The following ABRAXAS2 variants were observed in gnomAD, a reference collection of about 807,000 sequenced individuals.
ABRAXAS2 encodes the protein BRISC complex subunit Abraxas 2.
ABRAXAS2 carries 23 observed loss-of-function variants against 49.0 expected under a neutral mutation model. The ratio of observed to expected loss-of-function variants is 0.47; its 90% CI spans 0.34 to 0.66. The LOEUF (loss-of-function observed/expected upper bound fraction) is 0.66. Ranked by LOEUF, ABRAXAS2 falls within the 30% of genes least tolerant of loss-of-function variation. ABRAXAS2 has a pLI of 0.01. For missense variants in ABRAXAS2, 443 were observed against 511.9 expected (o/e 0.87, Z 1.30); for synonymous variants, 168 against 180.2 (o/e 0.93, Z 0.54).
At chr10:124,821,407 A>T (rs979127006) in intron 4 of ABRAXAS2, among the ~76,000 whole-genome samples, 4 of 152,112 alleles carry the variant, frequency 2.6e-5, no homozygotes, top group Non-Finnish European at 5.9e-5. Flanking sequence ...TCTACTAAAA[A>T]TACAAAAAAT....
At chr10:124,820,331 G>T (rs1243850731) in intron 4 of ABRAXAS2, among the ~76,000 whole-genome samples, 1 of 152,154 alleles carries the variant, frequency 6.6e-6, no homozygotes, top group Non-Finnish European at 1.5e-5. Flanking sequence ...GCAGCCACAG[G>T]CATCACGTGG....
rs1316627493 is a variant in ABRAXAS2 at position 124,819,447 on chromosome 10, A to G, written c.264A>G (p.Arg88=). ...TGGACAGGATTCTTAAAGATCGGAG[A>G]AAGGTATGTTCTGTTTGTTGCCCAG... ...ESLDRILKDR[R]KKVIGWYRFR... The change falls in exon 4 of 9, where the codon AGA becomes AGG. Residue 88 remains arginine (R), a synonymous_variant. Coordinates refer to ENST00000298492, the MANE Select transcript of ABRAXAS2 (RefSeq NM_032182.4). 1 of 1,613,858 alleles carries G rather than the reference A, an allele frequency of 6.2e-7. No homozygotes were observed. The highest frequency in any genetic ancestry group is 1.3e-5 in the African/African-American group (1 of 74,926).
chr10:124,801,852 A>G lies in ABRAXAS2; in HGVS notation c.23A>G (p.Tyr8Cys). Reference protein sequence around the residue: MAASISGYTFSAVCFHSA... With the variant: MAASISGCTFSAVCFHSA... ...ATCATGGCGGCGTCCATTTCGGGCT[A>G]CACCTTCAGTGCTGTGTGTTTCCAC... The change falls in exon 1 of 9, where the codon TAC becomes TGC. Residue 8 changes from tyrosine (Y) to cysteine (C), a missense_variant. Coordinates refer to ENST00000298492, the MANE Select transcript of ABRAXAS2 (RefSeq NM_032182.4). The G allele has an allele frequency of 7.4e-6, 12 of 1,613,408 alleles. No individual in the cohort carries two copies. The highest frequency in any genetic ancestry group is 9.3e-6 in the Non-Finnish European group (11 of 1,179,792).
At chr10:124,827,750 CAA>C (rs11306353) in intron 5 of ABRAXAS2, among the ~76,000 whole-genome samples, 26 of 115,304 alleles carry the variant, frequency 2.3e-4, no homozygotes, top group Admixed American at 6.1e-4. Context: ...CTTGTTAAAC[CAA>C]AAAAAAAAAA....
intron 2 of ABRAXAS2, 85 bp from the exon 3 acceptor site, chr10:124,816,491 A>AT (rs1271308986): frequency 9.5e-6 from 7 of 734,862 alleles, no homozygotes; most frequent in Admixed American, 3.5e-5. Context: ...AGAGATTTTG[A>AT]TTAAAAAAAA....
At position 124,835,941 on chromosome 10, in the gene ABRAXAS2, C is replaced by T. The variant is rs1950966154; in HGVS notation, c.*970C>T. 1 of 152,584 alleles carries T rather than the reference C, an allele frequency of 6.6e-6. No homozygotes were observed. Among genetic ancestry groups the T allele is most frequent in the Admixed American group, 6.5e-5 (1 of 15,276 alleles). 9.5% of individuals were successfully genotyped at this position (152,584 alleles called of 1,614,324 possible). A position where few individuals can be genotyped will look rare whatever the true frequency, so the allele number is the denominator to read the frequency against. ...TGGTGAATAAAGATTCATTTTCAAG[C>T]TGAATAACCATACTTATTTTATTTT... On this transcript the variant is annotated 3_prime_UTR_variant, in exon 9 of 9. Transcript: ENST00000298492.
intron 7 of ABRAXAS2, 136 bp from the exon 8 acceptor site, chr10:124,831,213 T>A (rs909548140): frequency 4.8e-6 from 3 of 627,472 alleles, no homozygotes; most frequent in Non-Finnish European, 8.6e-6. Context: ...CTTTCATGAT[T>A]TTGTTCTACC....
rs193100852 is a variant in ABRAXAS2 at position 124,819,464 on chromosome 10, G to A, written c.267+14G>A. ...GATCGGAGAAAGGTATGTTCTGTTT[G>A]TTGCCCAGTATGATTCTGAAATCGT... is the stretch of plus-strand genomic sequence containing the variant. On this transcript the variant is annotated intron_variant, in intron 4 of 8. Coordinates refer to ENST00000298492, the MANE Select transcript of ABRAXAS2 (RefSeq NM_032182.4). 1.7e-4 allele frequency: 276 copies of A among 1,611,518 alleles called. 1 individual carries two copies. The highest frequency in any genetic ancestry group is 9.9e-4 in the Middle Eastern group (6 of 6,054).
rs1950931644 is a variant in ABRAXAS2, at chr10:124,831,401, C to A, written c.716C>A (p.Ala239Glu). Residue 239 changes from alanine to glutamate, a missense_variant, in exon 8 of 9, where the codon GCA becomes GAA. Transcript: ENST00000298492. ...KSERVVESCQ[A>E]EVNKLRRQIT... ...GAGCGAGTTGTTGAATCTTGTCAGG[C>A]AGAAGTGAACAAATTAAGAAGACAA... is the stretch of plus-strand genomic sequence containing the variant. 3.1e-6 allele frequency: 5 copies of A among 1,612,474 alleles called. No homozygotes were observed. Among genetic ancestry groups the A allele is most frequent in the Non-Finnish European group, 3.4e-6 (4 of 1,179,076 alleles).
intron 2 of ABRAXAS2, among the ~76,000 whole-genome samples, chr10:124,811,564 C>T (rs900175599): frequency 5.3e-5 from 8 of 151,754 alleles, no homozygotes; most frequent in African/African-American, 1.7e-4. Flanking sequence ...GGTGAAACTC[C>T]GTCTCTACTA....
At chr10:124,816,350 C>T (rs998147491) in intron 2 of ABRAXAS2, among the ~76,000 whole-genome samples, 2 of 152,154 alleles carry the variant, frequency 1.3e-5, no homozygotes, top group African/African-American at 4.8e-5. Context: ...GCTCATCATA[C>T]ATGGACAGAT....
chr10:124,831,301 C>A, intron 7 of ABRAXAS2, 48 bp from the exon 8 acceptor site: 1 of 1,117,522 alleles, frequency 8.9e-7, no homozygotes, highest in Non-Finnish European at 1.4e-6. Flanking sequence ...TTATGGAATG[C>A]CTTGTGCTTG....
chr10:124,834,745 A>G lies in ABRAXAS2; in HGVS notation c.1022A>G (p.Asn341Ser), dbSNP rs142891578. 5.0e-6 allele frequency: 8 copies of G among 1,613,960 alleles called. No homozygotes were observed. Among genetic ancestry groups the G allele is most frequent in the African/African-American group, 1.3e-5 (1 of 74,898 alleles). The change falls in exon 9 of 9, where the codon AAT becomes AGT. Residue 341 changes from asparagine (N) to serine (S), a missense_variant. Asn to Ser is a conservative substitution (Grantham distance 46). This residue lies in a region of ABRAXAS2 where 230 missense variants were observed against 237.0 expected (regional missense o/e 0.97). Transcript: ENST00000298492. ...CGACCTCAAGCTGTGGGCTCTTCCA[A>G]TTATGCTTCCACCAGTGCCGGACTG... Reference protein sequence around the residue: ...MPRPQAVGSSNYASTSAGLKY... With the variant: ...MPRPQAVGSSSYASTSAGLKY...
chr10:124,811,863 C>T (rs779872386), intron 2 of ABRAXAS2, among the ~76,000 whole-genome samples: 8 of 152,148 alleles, frequency 5.3e-5, no homozygotes, highest in Non-Finnish European at 7.3e-5. Flanking sequence ...CCGCAACCTC[C>T]GCTTCCCAGG....
At chr10:124,818,820 C>T (rs774568348) in intron 3 of ABRAXAS2, among the ~76,000 whole-genome samples, 6 of 152,178 alleles carry the variant, frequency 3.9e-5, no homozygotes, top group Non-Finnish European at 7.3e-5. Context: ...GCTTCAAATT[C>T]CAGCCCTTCT....
In ABRAXAS2 at chr10:124,803,920, T is replaced by A. The variant is rs192423237; in HGVS notation, c.72+2019T>A. Among the ~76,000 whole-genome samples the A allele has an allele frequency of 7.2e-5, 11 of 152,268 alleles. No individual in the cohort carries two copies. In the East Asian group the frequency reaches 2.1e-3, roughly 29 times the overall value. Reference sequence around the variant, plus strand: ...AATAAAATAACATAGAAACCATTTTTAGCTTACAGGCCGTACATTAATAAG... The same window carrying A: ...AATAAAATAACATAGAAACCATTTTAAGCTTACAGGCCGTACATTAATAAG... On this transcript the variant is annotated intron_variant, in intron 1 of 8. Transcript: ENST00000298492.
rs763270719 is a variant in ABRAXAS2 at position 124,819,373 on chromosome 10, C to G, written c.201-11C>G. ...TGTGGTGTTAGTACAAGATTTTTTT[C>G]TCTTAAACAGTTTTTATGACTACGC... is the stretch of plus-strand genomic sequence containing the variant. On this transcript the variant is annotated splice_polypyrimidine_tract_variant and intron_variant, in intron 3 of 8. Transcript: ENST00000298492. 6.2e-7 allele frequency: 1 copy of G among 1,612,854 alleles called. No individual in the cohort carries two copies. Among genetic ancestry groups the G allele is most frequent in the Non-Finnish European group, 8.5e-7 (1 of 1,179,030 alleles).
chr10:124,805,297 G>A (rs893173355), intron 1 of ABRAXAS2, among the ~76,000 whole-genome samples: 6 of 150,008 alleles, frequency 4.0e-5, no homozygotes, highest in African/African-American at 1.5e-4. Context: ...TTGCGCCACT[G>A]CAGTCCGCAG....
chr10:124,815,757 C>T (rs887625396), intron 2 of ABRAXAS2, among the ~76,000 whole-genome samples: 1 of 152,086 alleles, frequency 6.6e-6, no homozygotes. Context: ...TACTGACCAT[C>T]TTTGAAAGGG....
Sources: allele counts gnomAD v4.1 joint callset (sites outside exome capture counted in the v4.1 genomes callset), GRCh38; gene constraint gnomAD v4.1.1; regional missense constraint gnomAD v4.1.1; transcripts MANE v1.5; gene names NCBI Gene and HGNC (gene_info 2026-07-23, HGNC 2026-07-21).